NECAB2: variants seen among roughly 807,000 people sequenced by gnomAD.
NECAB2 encodes the protein N-terminal EF-hand calcium-binding protein 2.
Under a neutral mutation model 51.9 loss-of-function variants are expected in NECAB2, and 68 were observed. That is an observed-to-expected ratio of 1.31 (90% CI 1.08 to 1.60). The LOEUF is 1.60. Ranked by LOEUF, NECAB2 falls within the 40% of genes most tolerant of loss-of-function variation. The probability of loss-of-function intolerance (pLI) is 0.00; values close to 1 mark genes in which losing one functional copy is unlikely to be tolerated. For missense variants in NECAB2, 854 were observed against 490.3 expected, an observed-to-expected ratio of 1.74 and a Z score of -7.00; for synonymous variants, 329 against 203.5, an observed-to-expected ratio of 1.62 and a Z score of -5.25.
At chr16:83,997,812 A>G (rs1405298051) in intron 9 of NECAB2, among the ~76,000 whole-genome samples, 1 of 152,108 alleles carries the variant, frequency 6.6e-6, no homozygotes, top group East Asian at 1.9e-4. Context: ...CTGGACTTTG[A>G]TCCAAAAAAG....
intron 6 of NECAB2, among the ~76,000 whole-genome samples, chr16:83,992,204 T>A (rs536201125): frequency 2.3e-5 from 3 of 129,850 alleles, no homozygotes; most frequent in Non-Finnish European, 4.5e-5. Context: ...GAAAGAGGAG[T>A]GTTTCTTTCT....
chr16:83,984,512 C>T (rs1275804831), intron 5 of NECAB2, among the ~76,000 whole-genome samples: 1 of 151,804 alleles, frequency 6.6e-6, no homozygotes, highest in Non-Finnish European at 1.5e-5. Flanking sequence ...CGCTTGAGCC[C>T]AGAAGTTCAA....
intron 2 of NECAB2, among the ~76,000 whole-genome samples, chr16:83,973,410 C>G (rs922153159): frequency 1.3e-5 from 2 of 152,152 alleles, no homozygotes; most frequent in African/African-American, 4.8e-5. Context: ...CAACGAGTCT[C>G]CCACCCTGGC....
In NECAB2 at chr16:83,992,659, A is replaced by C. The variant is rs181631305; in HGVS notation, c.597-1643A>C. On this transcript the variant is annotated intron_variant, in intron 6 of 12. Coordinates refer to ENST00000305202, the MANE Select transcript of NECAB2 (RefSeq NM_019065.3). ...CTGATCAGACATGATTGTGAAGGTAACTCTGAGACACTGTTTCCCAAATGA... is the reference window on the plus strand; with the variant it reads ...CTGATCAGACATGATTGTGAAGGTACCTCTGAGACACTGTTTCCCAAATGA... Among the ~76,000 whole-genome samples, 9 of 152,156 alleles carry C rather than the reference A, an allele frequency of 5.9e-5. No homozygotes were observed. The East Asian group carries it at 1.7e-3, about 29-fold the overall frequency.
At chr16:83,966,057 C>T, upstream of NECAB2, 1 of 1,353,250 alleles carries the variant, frequency 7.4e-7, no homozygotes, top group South Asian at 1.5e-5. Flanking sequence ...CAGAGATGAC[C>T]ACATCCCTGC....
intron 1 of NECAB2, among the ~76,000 whole-genome samples, chr16:83,969,071 C>T (rs2084321256): frequency 6.6e-6 from 1 of 151,688 alleles, no homozygotes. Flanking sequence ...CCCCCTCCTC[C>T]GCCCCTCCAC....
intron 10 of NECAB2, among the ~76,000 whole-genome samples, chr16:83,998,991 C>T (rs556042920): frequency 5.9e-5 from 9 of 152,292 alleles, no homozygotes; most frequent in Admixed American, 4.6e-4. Context: ...CCCGTTTCTG[C>T]AGCAAGGCTC....
At position 83,970,510 on chromosome 16, in the gene NECAB2, G is replaced by A. The variant is rs117913573; in HGVS notation, c.202-1641G>A. On this transcript the variant is annotated intron_variant, in intron 1 of 12. Transcript: ENST00000305202. ...CCCATAGCTGTGCTTCAGTCTCACC[G>A]CCCAGGTGCCTAGAAATGACCAAGG... 4.4e-3 allele frequency among the ~76,000 whole-genome samples: 663 copies of A among 152,272 alleles called. 3 individuals carry two copies. The highest frequency in any genetic ancestry group is 7.6e-3 in the Non-Finnish European group (514 of 67,996).
intron 6 of NECAB2, 42 bp downstream of exon 6, chr16:83,990,672 G>T (rs147444633): frequency 1.2e-4 from 191 of 1,605,450 alleles, no homozygotes; most frequent in Non-Finnish European, 1.5e-4. Flanking sequence ...GGGGTATGCC[G>T]TGCACGCGCA....
intron 5 of NECAB2, among the ~76,000 whole-genome samples, chr16:83,987,366 G>C (rs1018674085): frequency 1.1e-4 from 17 of 152,092 alleles, no homozygotes; most frequent in East Asian, 5.8e-4. Flanking sequence ...TGTTTCTAAT[G>C]GTTTTCCTTT....
At chr16:83,999,162 A>G (rs1486842786) in intron 10 of NECAB2, among the ~76,000 whole-genome samples, 1 of 152,128 alleles carries the variant, frequency 6.6e-6, no homozygotes, top group Non-Finnish European at 1.5e-5. Context: ...TTGAGTGACA[A>G]CAGCCTGACC....
At chr16:83,984,774 G>T (rs116690544) in intron 5 of NECAB2, among the ~76,000 whole-genome samples, 2,511 of 152,168 alleles carry the variant, frequency 0.017, 75 homozygotes, top group African/African-American at 0.058. Flanking sequence ...CACATCTTAA[G>T]TTTCTCCCAT....
chr16:83,979,336 C>G (rs925716607), intron 3 of NECAB2, among the ~76,000 whole-genome samples: 1 of 152,178 alleles, frequency 6.6e-6, no homozygotes, highest in Non-Finnish European at 1.5e-5. Context: ...CGGAGGTTCT[C>G]TGAGACTGAC....
At chr16:83,971,367 C>T (rs1202850669) in intron 1 of NECAB2, 1 of 152,188 alleles carries the variant, frequency 6.6e-6, no homozygotes, top group Non-Finnish European at 1.5e-5. Flanking sequence ...GTTTTGAAAG[C>T]TCTCCAGGCG....
rs1193216929 is a variant in NECAB2 at position 83,986,558 on chromosome 16, G to A, written c.460-3936G>A. On this transcript the variant is annotated intron_variant, in intron 5 of 12. Coordinates refer to ENST00000305202, the MANE Select transcript of NECAB2 (RefSeq NM_019065.3). ...GACGGGGTCTTGTTGTGTTGCCCAGGCTGGAGTACAGTGGCACAGTCATTA... is the reference window on the plus strand; with the variant it reads ...GACGGGGTCTTGTTGTGTTGCCCAGACTGGAGTACAGTGGCACAGTCATTA... Among the ~76,000 whole-genome samples the A allele has an allele frequency of 5.9e-5, 9 of 152,274 alleles. No homozygotes were observed. In the East Asian group the frequency reaches 1.7e-3, roughly 29 times the overall value.
intron 8 of NECAB2, among the ~76,000 whole-genome samples, chr16:83,995,938 TAG>T (rs2084692025): frequency 6.6e-6 from 1 of 152,192 alleles, no homozygotes; most frequent in African/African-American, 2.4e-5. Context: ...AGCTTATTTT[TAG>T]AGCACCGTCG....
At position 84,001,058 on chromosome 16, in the gene NECAB2, C is replaced by G. The variant is rs147021793; in HGVS notation, c.1040+257C>G. 7.2e-5 allele frequency among the ~76,000 whole-genome samples: 11 copies of G among 152,236 alleles called. No homozygotes were observed. The East Asian group carries it at 1.5e-3, about 21-fold the overall frequency. On this transcript the variant is annotated intron_variant, in intron 11 of 12. Coordinates refer to ENST00000305202, the MANE Select transcript of NECAB2 (RefSeq NM_019065.3). ...GGTTGCTTCTGTGCCCCTAGAGCAC[C>G]TTGTCCTCCTGGAACAGCCCTGGGG...
Position 84,002,462 on chromosome 16 carries a change from C to T in NECAB2, c.*116C>T, listed in dbSNP as rs531849370. 3 of 1,367,264 alleles carry T rather than the reference C, an allele frequency of 2.2e-6. No individual in the cohort carries two copies. Among genetic ancestry groups the T allele is most frequent in the Non-Finnish European group, 2.1e-6 (2 of 966,766 alleles). The allele number at this position is 1,367,264 out of a possible 1,614,324, so 84.7% of individuals were successfully genotyped here. ...AAGCTTCTTTTCAATCCATCCTCCACAAGAAGGTGTTTCCCTGTTGTTAAG... is the reference window on the plus strand; with the variant it reads ...AAGCTTCTTTTCAATCCATCCTCCATAAGAAGGTGTTTCCCTGTTGTTAAG... On this transcript the variant is annotated 3_prime_UTR_variant, in exon 13 of 13. Coordinates refer to ENST00000305202, the MANE Select transcript of NECAB2 (RefSeq NM_019065.3).
intron 10 of NECAB2, among the ~76,000 whole-genome samples, chr16:83,999,660 T>C (rs1325370423): frequency 4.6e-5 from 7 of 152,068 alleles, no homozygotes; most frequent in East Asian, 1.9e-4. Flanking sequence ...TGGGGCGGCA[T>C]AGACTATCAG....
Sources: allele counts gnomAD v4.1 joint callset (sites outside exome capture counted in the v4.1 genomes callset), GRCh38; gene constraint gnomAD v4.1.1; transcripts MANE v1.5; gene names NCBI Gene and HGNC (gene_info 2026-07-23, HGNC 2026-07-21).